Variants in ACACA observed in about 807,000 individuals in gnomAD.
ACACA encodes acetyl-CoA carboxylase alpha, also known as acetyl-CoA carboxylase 1.
In ACACA, 103 loss-of-function variants were observed where a neutral mutation model predicts 296.1. The ratio of observed to expected loss-of-function variants is 0.35; its 90% CI spans 0.30 to 0.41. The LOEUF is 0.41. Among genes scored for constraint, ACACA ranks in the 10% least tolerant of loss-of-function variants. The probability of loss-of-function intolerance (pLI) is 1.00; values close to 1 mark genes in which losing one functional copy is unlikely to be tolerated. For synonymous variants in ACACA, 953 were observed against 1,038.6 expected, an observed-to-expected ratio of 0.92 and a Z score of 1.58; for missense variants, 1,554 against 2,989.7, an observed-to-expected ratio of 0.52 and a Z score of 11.20.
intron 47 of ACACA, among the ~76,000 whole-genome samples, chr17:37,128,193 A>G (rs1436569453): frequency 6.6e-6 from 1 of 152,194 alleles, no homozygotes; most frequent in African/African-American, 2.4e-5. Context: ...TCATGTTTTT[A>G]TATAATAGAA....
intron 4 of ACACA, 42 bp downstream of exon 4, chr17:37,284,796 C>T (rs1226952046): frequency 6.2e-7 from 1 of 1,612,834 alleles, no homozygotes; most frequent in Admixed American, 1.7e-5. Flanking sequence ...GCATTAAATC[C>T]TAAGTGCTTT....
intron 1 of ACACA, among the ~76,000 whole-genome samples, chr17:37,344,155 G>A (rs2048511946): frequency 6.6e-6 from 1 of 152,080 alleles, no homozygotes. Flanking sequence ...TAGGCCAGGT[G>A]TGGTGGTTCA....
intron 38 of ACACA, among the ~76,000 whole-genome samples, chr17:37,190,861 T>C (rs11653093): frequency 0.65 from 98,463 of 152,160 alleles, 34,801 homozygotes; most frequent in East Asian, 0.99. Context: ...AATGTTTTCA[T>C]GTTTTTGTAC....
chr17:37,314,104 C>CTTTT (rs34202919), intron 3 of ACACA, among the ~76,000 whole-genome samples: 4 of 134,004 alleles, frequency 3.0e-5, no homozygotes, highest in Admixed American at 7.8e-5. Flanking sequence ...ACTATATATT[C>CTTTT]TTTTTTTTTT....
chr17:37,125,665 G>A, intron 48 of ACACA, 33 bp downstream of exon 48: 1 of 1,546,178 alleles, frequency 6.5e-7, no homozygotes, highest in East Asian at 2.2e-5. Flanking sequence ...TAGTTGGGAG[G>A]AAAAAGAGCT....
intron 15 of ACACA, among the ~76,000 whole-genome samples, chr17:37,252,410 G>T (rs1335470905): frequency 6.6e-6 from 1 of 152,092 alleles, no homozygotes; most frequent in African/African-American, 2.4e-5. Context: ...AAGACACAAC[G>T]ATTTGGCTAC....
chr17:37,146,288 T>C (rs2075802727), intron 45 of ACACA, among the ~76,000 whole-genome samples: 2 of 152,116 alleles, frequency 1.3e-5, no homozygotes, highest in African/African-American at 4.8e-5. Flanking sequence ...ACATGCAATG[T>C]ATTAAGTTGA....
At chr17:37,270,118 G>C (rs1240386449) in intron 10 of ACACA, among the ~76,000 whole-genome samples, 4 of 152,224 alleles carry the variant, frequency 2.6e-5, no homozygotes, top group East Asian at 1.9e-4. Flanking sequence ...GGCAAAGAGA[G>C]ATCCTACATC....
At chr17:37,229,535 C>T (rs2079740121) in intron 25 of ACACA, among the ~76,000 whole-genome samples, 1 of 151,796 alleles carries the variant, frequency 6.6e-6, no homozygotes, top group Admixed American at 6.6e-5. Context: ...GATCTCCTGA[C>T]CTTGTGATCC....
intron 39 of ACACA, among the ~76,000 whole-genome samples, chr17:37,187,146 G>A (rs890697547): frequency 6.6e-6 from 1 of 152,062 alleles, no homozygotes; most frequent in Non-Finnish European, 1.5e-5. Flanking sequence ...ACGCTCTTGC[G>A]CACTCTCTCT....
chr17:37,346,747 T>C (rs2048643939), intron 1 of ACACA, among the ~76,000 whole-genome samples: 2 of 151,716 alleles, frequency 1.3e-5, no homozygotes, highest in Non-Finnish European at 2.9e-5. Context: ...TGCTAGATTA[T>C]GGAATTGCAT....
intron 1 of ACACA, chr17:37,391,576 C>T: frequency 7.0e-7 from 1 of 1,429,656 alleles, no homozygotes; most frequent in South Asian, 1.1e-5. Context: ...TTAGCCAGCC[C>T]TTTTCTTGGT....
intron 14 of ACACA, among the ~76,000 whole-genome samples, chr17:37,256,338 A>G (rs2081227403): frequency 6.6e-6 from 1 of 152,198 alleles, no homozygotes. Context: ...TTTTTCTGGT[A>G]GCAGTGTTTT....
At chr17:37,090,553 T>C (rs1024412958) in intron 54 of ACACA, among the ~76,000 whole-genome samples, 4 of 152,098 alleles carry the variant, frequency 2.6e-5, no homozygotes, top group Admixed American at 2.0e-4. Context: ...TGAGTGACCC[T>C]CTCCTCTCTG....
chr17:37,247,945 G>T, intron 18 of ACACA, 66 bp downstream of exon 18: 1 of 1,598,162 alleles, frequency 6.3e-7, no homozygotes. Context: ...AATCCCAAGA[G>T]CTAGTAGCTA....
chr17:37,339,966 G>A, intron 1 of ACACA, 116 bp from the exon 2 acceptor site: 1 of 561,176 alleles, frequency 1.8e-6, no homozygotes, highest in South Asian at 2.6e-5. Flanking sequence ...CTATTTTACT[G>A]GTCAAATCTA....
intron 39 of ACACA, among the ~76,000 whole-genome samples, chr17:37,183,500 T>C (rs918879680): frequency 2.6e-5 from 4 of 152,152 alleles, no homozygotes; most frequent in Non-Finnish European, 5.9e-5. Flanking sequence ...AAACCCCAAA[T>C]GTCCATCAAC....
At chr17:37,100,548 T>C (rs1200682353) in intron 52 of ACACA, among the ~76,000 whole-genome samples, 2 of 149,774 alleles carry the variant, frequency 1.3e-5, no homozygotes, top group Admixed American at 6.7e-5. Flanking sequence ...GGTCAAAGAA[T>C]CAGTCCAGAT....
chr17:37,396,290 A>G (rs1177441710), intron 1 of ACACA, among the ~76,000 whole-genome samples: 1 of 151,032 alleles, frequency 6.6e-6, no homozygotes, highest in African/African-American at 2.4e-5. Flanking sequence ...CAGTGAGCTG[A>G]GATGGTGACA....
Sources: gnomAD v4.1 joint callset for allele counts (sites outside exome capture counted in the v4.1 genomes callset) on GRCh38, gnomAD v4.1.1 for gene constraint, MANE v1.5 for transcripts, NCBI Gene and HGNC (gene_info 2026-07-23, HGNC 2026-07-21) for gene names.